Variants in TDRD9 observed in about 807,000 individuals in gnomAD.
The protein encoded by TDRD9 is tudor domain containing 9.
Under a neutral mutation model 172.6 loss-of-function variants are expected in TDRD9, and 124 were observed. The ratio of observed to expected loss-of-function variants is 0.72; its 90% CI spans 0.62 to 0.83. TDRD9 has a LOEUF of 0.83. Ranked by LOEUF, TDRD9 falls within the 40% of genes least tolerant of loss-of-function variation. The pLI, the probability that TDRD9 is intolerant of heterozygous loss-of-function variation, is 0.00. For missense variants in TDRD9, 1,479 were observed against 1,714.1 expected, an observed-to-expected ratio of 0.86 and a Z score of 2.42; for synonymous variants, 619 against 617.1, an observed-to-expected ratio of 1.00 and a Z score of -0.05.
intron 1 of TDRD9, 103 bp downstream of exon 1, chr14:103,928,827 G>A (rs2030156913): frequency 8.8e-6 from 3 of 339,252 alleles, no homozygotes; most frequent in Admixed American, 5.2e-5. Context: ...GTGCCCTCTC[G>A]CGGGGCTCCA....
At chr14:103,932,410 C>T (rs1237251548) in intron 1 of TDRD9, among the ~76,000 whole-genome samples, 2 of 150,224 alleles carry the variant, frequency 1.3e-5, no homozygotes, top group Non-Finnish European at 3.0e-5. Flanking sequence ...CTTTTTGAGA[C>T]GGAGTCTCGC....
Position 104,022,238 on chromosome 14 carries a change from A to G in TDRD9, c.2514A>G (p.Gln838=). ...TATATATGGCAATTAAGATGTCTCA[A>G]CTAAAAGTTTCACTTGAACTCAGCG... ...PAVYMAIKMS[Q]LKVSLELSVH... is the part of the protein sequence containing the mutation. Residue 838 remains glutamine (Q), a synonymous_variant, in exon 24 of 36, where the codon CAA becomes CAG. Coordinates refer to ENST00000409874, the MANE Select transcript of TDRD9 (RefSeq NM_153046.3). The G allele has an allele frequency of 1.2e-6, 2 of 1,609,850 alleles. No homozygotes were observed. Among genetic ancestry groups the G allele is most frequent in the Non-Finnish European group, 1.7e-6 (2 of 1,178,042 alleles).
At position 104,012,361 on chromosome 14, in the gene TDRD9, A is replaced by G. The variant is rs79266166; in HGVS notation, c.2107-2364A>G. Among the ~76,000 whole-genome samples, 64 of 152,356 alleles carry G rather than the reference A, an allele frequency of 4.2e-4. 1 individual carries two copies. In the East Asian group the frequency reaches 9.3e-3, roughly 22 times the overall value. On this transcript the variant is annotated intron_variant, in intron 20 of 35. Transcript: ENST00000409874. ...TGGAATGTGCATGGTCTGGACAGCC[A>G]GGCCTGCTGGATTACTCCTTTACTG...
At chr14:103,950,814 TC>T (rs1248301813) in intron 1 of TDRD9, among the ~76,000 whole-genome samples, 2 of 151,600 alleles carry the variant, frequency 1.3e-5, no homozygotes, top group Non-Finnish European at 2.9e-5. Context: ...AAGAGAGGAG[TC>T]TCACACTTGT....
intron 1 of TDRD9, chr14:103,939,676 GGTTTTTTTTTTTTT>G (rs1164996402): frequency 8.3e-5 from 3 of 36,298 alleles, no homozygotes; most frequent in Non-Finnish European, 1.1e-4. Flanking sequence ...AAGTTAGGAG[GGTTTTTTTTTTTTT>G]TTTTTTTTTT....
intron 1 of TDRD9, among the ~76,000 whole-genome samples, chr14:103,944,406 C>T (rs989565036): frequency 1.3e-5 from 2 of 152,014 alleles, no homozygotes; most frequent in Admixed American, 1.3e-4. Context: ...TTTCATGGAC[C>T]AGCTCAAATA....
chr14:103,949,870 A>G (rs1377398247), intron 1 of TDRD9, among the ~76,000 whole-genome samples: 1 of 151,534 alleles, frequency 6.6e-6, no homozygotes, highest in African/African-American at 2.4e-5. Context: ...TTTTTAGTAG[A>G]GACGGGGTTT....
intron 8 of TDRD9, among the ~76,000 whole-genome samples, chr14:103,987,854 C>T (rs921954935): frequency 2.1e-4 from 32 of 152,298 alleles, no homozygotes; most frequent in African/African-American, 7.7e-4. Flanking sequence ...TTGATGTCCT[C>T]AGCAGTTGTT....
intron 31 of TDRD9, 124 bp downstream of exon 31, chr14:104,034,193 CTTT>C: frequency 1.3e-5 from 2 of 158,100 alleles, no homozygotes; most frequent in African/African-American, 6.6e-5. Context: ...CTTTTTTTTT[CTTT>C]TTTTTTTTTT....
At chr14:104,011,111 A>T (rs531582698) in intron 20 of TDRD9, among the ~76,000 whole-genome samples, 1 of 152,334 alleles carries the variant, frequency 6.6e-6, no homozygotes, top group African/African-American at 2.4e-5. Flanking sequence ...TTATGGGTCC[A>T]CAGTTCTATA....
chr14:103,966,834 A>G lies in TDRD9; in HGVS notation c.765+3A>G, dbSNP rs1352207427. ...TCACACATATCATCATTGATGAAGT[A>G]AGTGATGTCATCTACTTGTAAAGGT... On this transcript the variant is annotated splice_donor_region_variant and intron_variant, in intron 5 of 35. Coordinates refer to ENST00000409874, the MANE Select transcript of TDRD9 (RefSeq NM_153046.3). 1 of 1,548,676 alleles carries G rather than the reference A, an allele frequency of 6.5e-7. No homozygotes were observed. Among genetic ancestry groups the G allele is most frequent in the South Asian group, 1.2e-5 (1 of 83,550 alleles).
At chr14:103,988,383 A>G (rs1182480662) in intron 8 of TDRD9, among the ~76,000 whole-genome samples, 5 of 152,160 alleles carry the variant, frequency 3.3e-5, no homozygotes, top group Non-Finnish European at 7.3e-5. Flanking sequence ...CATGTTGGCC[A>G]GGATGGTCTT....
intron 1 of TDRD9, among the ~76,000 whole-genome samples, chr14:103,943,456 G>A (rs2152121006): frequency 6.7e-6 from 1 of 148,422 alleles, no homozygotes; most frequent in Admixed American, 6.8e-5. Context: ...TATTATATAT[G>A]TATATATAAA....
At chr14:104,034,856 CAGAGG>C (rs1010737126) in intron 31 of TDRD9, 99 bp from the exon 32 acceptor site, 1 of 800,456 alleles carries the variant, frequency 1.2e-6, no homozygotes, top group Non-Finnish European at 2.0e-6. Flanking sequence ...ACAGACTCAG[CAGAGG>C]AGGGGATACC....
intron 1 of TDRD9, among the ~76,000 whole-genome samples, chr14:103,942,551 C>G (rs560303689): frequency 6.6e-6 from 1 of 152,192 alleles, no homozygotes; most frequent in Non-Finnish European, 1.5e-5. Flanking sequence ...TGATGCTTTG[C>G]TGTGCATAGC....
At chr14:103,956,054 G>A (rs1450836059) in intron 2 of TDRD9, among the ~76,000 whole-genome samples, 1 of 119,842 alleles carries the variant, frequency 8.3e-6, no homozygotes, top group East Asian at 2.6e-4. Flanking sequence ...GGTTCATCCT[G>A]GGCAACATAC....
intron 13 of TDRD9, among the ~76,000 whole-genome samples, chr14:104,002,877 C>T (rs1335023243): frequency 2.0e-5 from 3 of 151,798 alleles, no homozygotes; most frequent in Admixed American, 6.6e-5. Context: ...ACTACAGGCG[C>T]GCACCCCTAT....
At chr14:104,000,416 G>C (rs1359495938) in intron 13 of TDRD9, among the ~76,000 whole-genome samples, 1 of 151,580 alleles carries the variant, frequency 6.6e-6, no homozygotes, top group Non-Finnish European at 1.5e-5. Context: ...GAGAAAAAAG[G>C]ATATTAAACT....
chr14:104,006,250 T>G, intron 15 of TDRD9, 139 bp from the exon 16 acceptor site: 1 of 677,506 alleles, frequency 1.5e-6, no homozygotes, highest in East Asian at 2.7e-5. Context: ...TTTGGTAACA[T>G]ATCAACCTTT....
Sources: gnomAD v4.1 joint callset for allele counts (sites outside exome capture counted in the v4.1 genomes callset) on GRCh38, gnomAD v4.1.1 for gene constraint, MANE v1.5 for transcripts, NCBI Gene and HGNC (gene_info 2026-07-23, HGNC 2026-07-21) for gene names.